CATSPERB: variants seen among roughly 807,000 people sequenced by gnomAD.
CATSPERB encodes the protein cation channel sperm-associated auxiliary subunit beta.
Under a neutral mutation model 128.3 loss-of-function variants are expected in CATSPERB, and 93 were observed. The ratio of observed to expected loss-of-function variants is 0.72; its 90% confidence interval spans 0.61 to 0.86. The LOEUF is 0.86. Among genes scored for constraint, CATSPERB ranks in the 40% least tolerant of loss-of-function variants. The pLI is 0.00. For synonymous variants in CATSPERB, 381 were observed against 448.8 expected, an observed-to-expected ratio of 0.85 and a Z score of 1.91; for missense variants, 1,153 against 1,329.5, an observed-to-expected ratio of 0.87 and a Z score of 2.06.
intron 12 of CATSPERB, among the ~76,000 whole-genome samples, chr14:91,673,974 T>A (rs1443203389): frequency 2.0e-5 from 3 of 152,122 alleles, no homozygotes; most frequent in Admixed American, 6.5e-5. Flanking sequence ...GTACGAATTG[T>A]TTTTCTAGAA....
chr14:91,633,460 T>C (rs1894312942), intron 17 of CATSPERB, among the ~76,000 whole-genome samples: 1 of 151,790 alleles, frequency 6.6e-6, no homozygotes, highest in Admixed American at 6.6e-5. Flanking sequence ...GCTAGTACAA[T>C]CTTGTTAACA....
At chr14:91,668,229 T>C (rs1308087998) in intron 14 of CATSPERB, among the ~76,000 whole-genome samples, 4 of 135,872 alleles carry the variant, frequency 2.9e-5, no homozygotes, top group Non-Finnish European at 6.5e-5. Flanking sequence ...TGGAGAACTT[T>C]TCTGTCTAGC....
intron 19 of CATSPERB, among the ~76,000 whole-genome samples, chr14:91,618,377 C>T (rs1343807190): frequency 1.3e-5 from 2 of 152,230 alleles, no homozygotes; most frequent in Non-Finnish European, 2.9e-5. Context: ...CCCAGTAGGT[C>T]TCAGCCTCAT....
chr14:91,727,926 G>A (rs1018778266), intron 2 of CATSPERB, among the ~76,000 whole-genome samples: 1 of 152,090 alleles, frequency 6.6e-6, no homozygotes, highest in African/African-American at 2.4e-5. Context: ...GGGCCAGACT[G>A]GAACCAAGTT....
At chr14:91,666,057 C>T (rs1041505684) in intron 14 of CATSPERB, among the ~76,000 whole-genome samples, 1 of 152,146 alleles carries the variant, frequency 6.6e-6, no homozygotes, top group South Asian at 2.1e-4. Context: ...TTATAAGAGG[C>T]TGTTGCCCCT....
At chr14:91,594,355 AT>A (rs1231890714) in intron 22 of CATSPERB, among the ~76,000 whole-genome samples, 6 of 152,132 alleles carry the variant, frequency 3.9e-5, no homozygotes, top group Non-Finnish European at 5.9e-5. Context: ...GAGGGATAGC[AT>A]TAGGAGATAT....
chr14:91,605,446 G>A, intron 22 of CATSPERB: 1 of 461,934 alleles, frequency 2.2e-6, no homozygotes, highest in Non-Finnish European at 3.8e-6. Context: ...GTATCAAGAG[G>A]TTGGGATGAA....
At chr14:91,696,701 G>T (rs1895568280) in intron 7 of CATSPERB, among the ~76,000 whole-genome samples, 1 of 152,212 alleles carries the variant, frequency 6.6e-6, no homozygotes, top group Admixed American at 6.5e-5. Context: ...ATACAATCCA[G>T]TGAGGAGGAA....
rs770847223 is a variant in CATSPERB, at chr14:91,693,227, A to G, written c.730T>C (p.Leu244=). The G allele has an allele frequency of 3.7e-6, 6 of 1,612,618 alleles. No individual in the cohort carries two copies. The African/African-American group carries it at 6.7e-5, about 18-fold the overall frequency. ...QLQEEYEDLS[L]VDMVLTNHFL... The stretch of plus-strand genomic sequence containing the variant: ...TGATTCGTTAAAACCATATCCACCA[A>G]TGAAAGGTCTTCATATTCTAAACGA... Residue 244 remains leucine, a synonymous_variant, in exon 9 of 27, where the codon TTG becomes CTG. Coordinates refer to ENST00000256343, the MANE Select transcript of CATSPERB (RefSeq NM_024764.4).
rs1896174412 is a variant in CATSPERB at position 91,729,415 on chromosome 14, A to T, written c.65T>A (p.Ile22Lys). Residue 22 changes from isoleucine (I) to lysine (K), a missense_variant, in exon 2 of 27, where the codon ATA (isoleucine) becomes AAA (lysine). By Grantham distance (102) the Ile-to-Lys change is moderately radical. Transcript: ENST00000256343. The part of the protein sequence containing the change: ...LLNIFEFSSG[I>K]VYNKDDTEKR... ...CTGAAACTTACCTTTATTATATACT[A>T]TTCCTGATGAAAATTCAAATATGTT... is the stretch of plus-strand genomic sequence containing the variant. 6.8e-7 allele frequency: 1 copy of T among 1,474,810 alleles called. No individual in the cohort carries two copies. The highest frequency in any genetic ancestry group is 9.4e-7 in the Non-Finnish European group (1 of 1,063,650). The allele number at this position is 1,474,810 out of a possible 1,614,324, so 91.4% of individuals were successfully genotyped here.
chr14:91,613,775 C>A (rs1893881826), intron 20 of CATSPERB, among the ~76,000 whole-genome samples: 3 of 152,190 alleles, frequency 2.0e-5, no homozygotes, highest in Admixed American at 2.0e-4. Context: ...CCGCACTCCT[C>A]CAAAATCTCG....
chr14:91,605,144 T>C (rs1893676799), intron 22 of CATSPERB: 3 of 1,331,662 alleles, frequency 2.3e-6, no homozygotes, highest in Non-Finnish European at 3.2e-6. Context: ...AATAAGCAGA[T>C]CCACGGAGGA....
At chr14:91,695,613 C>G (rs375580889) in intron 7 of CATSPERB, among the ~76,000 whole-genome samples, 6 of 152,196 alleles carry the variant, frequency 3.9e-5, no homozygotes, top group East Asian at 1.9e-4. Context: ...CCAGGGCTTA[C>G]AGAAGCTGAT....
At chr14:91,675,451 G>A (rs545696162) in intron 11 of CATSPERB, among the ~76,000 whole-genome samples, 10 of 152,338 alleles carry the variant, frequency 6.6e-5, no homozygotes, top group African/African-American at 2.4e-4. Flanking sequence ...GGTCTCCTCT[G>A]TCTCTTCTGT....
At chr14:91,620,388 A>G (rs976745780) in intron 19 of CATSPERB, among the ~76,000 whole-genome samples, 2 of 152,108 alleles carry the variant, frequency 1.3e-5, no homozygotes, top group African/African-American at 2.4e-5. Context: ...TGGGCCTCAC[A>G]TCCTCCAGGG....
intron 5 of CATSPERB, among the ~76,000 whole-genome samples, chr14:91,708,662 T>C (rs1895778097): frequency 1.3e-5 from 2 of 152,034 alleles, no homozygotes; most frequent in Non-Finnish European, 2.9e-5. Context: ...AGAATTAATA[T>C]GAATGAAGAC....
chr14:91,729,630 C>T (rs1209505842), intron 1 of CATSPERB, 151 bp from the exon 2 acceptor site: 27 of 481,576 alleles, frequency 5.6e-5, no homozygotes, highest in Non-Finnish European at 9.7e-5. Context: ...ACAACAGTTG[C>T]CTAAACTCTA....
rs539389490 is a variant in CATSPERB, at chr14:91,594,193, T to C, written c.2710-2191A>G. 1.2e-4 allele frequency among the ~76,000 whole-genome samples: 18 copies of C among 152,252 alleles called. 1 individual carries two copies. The highest frequency in any genetic ancestry group is 3.9e-4 in the African/African-American group (16 of 41,530). On this transcript the variant is annotated intron_variant, in intron 22 of 26. Coordinates refer to ENST00000256343, the MANE Select transcript of CATSPERB (RefSeq NM_024764.4). ...TCCTTTGCAGGGACATGGATGAAACTGGAAACCATCATTCTCAGCAAACTA... is the reference window on the plus strand; with the variant it reads ...TCCTTTGCAGGGACATGGATGAAACCGGAAACCATCATTCTCAGCAAACTA...
intron 12 of CATSPERB, 106 bp downstream of exon 12, chr14:91,674,070 A>G (rs1183667677): frequency 9.1e-6 from 6 of 656,952 alleles, no homozygotes; most frequent in Non-Finnish European, 1.6e-5. Flanking sequence ...AGTGATTGTG[A>G]AGCCTTTCAG....
Sources: allele counts gnomAD v4.1 joint callset (sites outside exome capture counted in the v4.1 genomes callset), GRCh38; gene constraint gnomAD v4.1.1; transcripts MANE v1.5; gene names NCBI Gene and HGNC (gene_info 2026-07-23, HGNC 2026-07-21).